Variants in NETO1 observed in about 807,000 individuals in gnomAD.
The protein encoded by NETO1 is neuropilin and tolloid-like protein 1.
NETO1 carries 26 observed loss-of-function variants against 61.3 expected under a neutral mutation model. The observed-to-expected ratio is 0.42, with a 90% confidence interval of 0.31 to 0.59. The LOEUF (loss-of-function observed/expected upper bound fraction) is 0.59, where lower values mean the gene tolerates loss of function less well. Among genes scored for constraint, NETO1 ranks in the 20% least tolerant of loss-of-function variants. NETO1 has a pLI of 0.12. For synonymous variants in NETO1, 225 were observed against 225.8 expected (o/e 1.00, Z 0.03); for missense variants, 531 against 662.8 (o/e 0.80, Z 2.18).
chr18:72,757,102 C>T (rs563485781), intron 7 of NETO1, among the ~76,000 whole-genome samples: 14 of 151,938 alleles, frequency 9.2e-5, no homozygotes, highest in Non-Finnish European at 2.1e-4. Context: ...TTCTTTTTTT[C>T]AATAAAGGCT....
At chr18:72,780,217 G>A (rs915250021) in intron 7 of NETO1, among the ~76,000 whole-genome samples, 2 of 152,114 alleles carry the variant, frequency 1.3e-5, no homozygotes, top group South Asian at 2.1e-4. Flanking sequence ...CACAGAGAAC[G>A]CTGTTGTAAA....
At chr18:72,796,987 T>C (rs1023040981) in intron 4 of NETO1, among the ~76,000 whole-genome samples, 2 of 152,158 alleles carry the variant, frequency 1.3e-5, no homozygotes, top group African/African-American at 4.8e-5. Context: ...ACTGCTAAAA[T>C]TGGTTGTTCT....
At chr18:72,824,356 C>A (rs1174105094) in intron 4 of NETO1, among the ~76,000 whole-genome samples, 1 of 152,158 alleles carries the variant, frequency 6.6e-6, no homozygotes, top group East Asian at 1.9e-4. Flanking sequence ...TCTTTTAATA[C>A]ATTTGTGAGC....
intron 7 of NETO1, among the ~76,000 whole-genome samples, chr18:72,769,126 G>C (rs113641564): frequency 2.6e-5 from 4 of 152,254 alleles, no homozygotes; most frequent in Non-Finnish European, 5.9e-5. Flanking sequence ...CTGACAACTC[G>C]TGTCATAATT....
intron 4 of NETO1, among the ~76,000 whole-genome samples, chr18:72,822,294 G>A (rs1445375495): frequency 6.6e-6 from 1 of 152,192 alleles, no homozygotes; most frequent in Non-Finnish European, 1.5e-5. Flanking sequence ...CAACAAGGTG[G>A]GCAGGTGGAC....
At chr18:72,818,563 C>A (rs1168274497) in intron 4 of NETO1, among the ~76,000 whole-genome samples, 2 of 152,114 alleles carry the variant, frequency 1.3e-5, no homozygotes, top group African/African-American at 2.4e-5. Flanking sequence ...TTCACTTTAC[C>A]ATTTTCACGA....
At chr18:72,751,077 A>ACACACAC (rs60112090) in intron 8 of NETO1, among the ~76,000 whole-genome samples, 2 of 150,588 alleles carry the variant, frequency 1.3e-5, no homozygotes, top group African/African-American at 2.5e-5. Context: ...ACACACACAC[A>ACACACAC]ATCTATCTAT....
chr18:72,802,444 C>T (rs529889177), intron 4 of NETO1, among the ~76,000 whole-genome samples: 64 of 152,272 alleles, frequency 4.2e-4, no homozygotes, highest in African/African-American at 1.2e-3. Context: ...AGAGTTAATG[C>T]CATGTCTGGA....
At chr18:72,836,940 GAAA>G (rs1381064964) in intron 4 of NETO1, among the ~76,000 whole-genome samples, 1 of 152,142 alleles carries the variant, frequency 6.6e-6, no homozygotes, top group Non-Finnish European at 1.5e-5. Flanking sequence ...TAGGAATGGA[GAAA>G]AGGAAAAGCA....
At chr18:72,755,089 T>C (rs1014526360) in intron 8 of NETO1, among the ~76,000 whole-genome samples, 3 of 152,218 alleles carry the variant, frequency 2.0e-5, no homozygotes, top group Non-Finnish European at 2.9e-5. Context: ...ATTTGTTGCA[T>C]GTCAAATATT....
intron 4 of NETO1, among the ~76,000 whole-genome samples, chr18:72,808,419 T>C (rs368370488): frequency 7.1e-6 from 1 of 141,834 alleles, no homozygotes; most frequent in African/African-American, 2.6e-5. Flanking sequence ...CACTGCAGAT[T>C]TGTGTGTGTG....
intron 4 of NETO1, among the ~76,000 whole-genome samples, chr18:72,806,069 G>T (rs1028983948): frequency 3.3e-5 from 5 of 151,930 alleles, no homozygotes; most frequent in African/African-American, 1.2e-4. Flanking sequence ...TAGGCTTCGT[G>T]GGGGGTGGGT....
At chr18:72,777,467 C>T (rs1180100518) in intron 7 of NETO1, among the ~76,000 whole-genome samples, 3 of 149,712 alleles carry the variant, frequency 2.0e-5, no homozygotes, top group African/African-American at 7.4e-5. Flanking sequence ...AAAGGCCGGG[C>T]GCGGTGGCTC....
intron 3 of NETO1, 81 bp downstream of exon 3, chr18:72,864,727 A>G: frequency 6.4e-7 from 1 of 1,558,526 alleles, no homozygotes. Flanking sequence ...TAATGCCTAT[A>G]CGCATATTCT....
chr18:72,772,821 C>A (rs1171433607), intron 7 of NETO1, among the ~76,000 whole-genome samples: 6 of 50,696 alleles, frequency 1.2e-4, no homozygotes, highest in Admixed American at 2.0e-4. Context: ...CTCTCTCTCT[C>A]TCTCTATATA....
At chr18:72,807,678 G>A (rs1442433508) in intron 4 of NETO1, among the ~76,000 whole-genome samples, 1 of 150,752 alleles carries the variant, frequency 6.6e-6, no homozygotes, top group African/African-American at 2.4e-5. Flanking sequence ...ATCATCAGAC[G>A]ATCAAAAATG....
chr18:72,779,200 A>G (rs1008345609), intron 7 of NETO1, among the ~76,000 whole-genome samples: 1 of 152,052 alleles, frequency 6.6e-6, no homozygotes, highest in Admixed American at 6.6e-5. Flanking sequence ...AGTAAATGTT[A>G]GATAATACAT....
At chr18:72,797,213 T>TA (rs2072347032) in intron 4 of NETO1, among the ~76,000 whole-genome samples, 1 of 152,218 alleles carries the variant, frequency 6.6e-6, no homozygotes, top group African/African-American at 2.4e-5. Flanking sequence ...TTGTGGAATA[T>TA]AGTTGATACT....
intron 7 of NETO1, among the ~76,000 whole-genome samples, chr18:72,770,808 C>T (rs1166309345): frequency 6.6e-6 from 1 of 152,088 alleles, no homozygotes; most frequent in Admixed American, 6.6e-5. Flanking sequence ...TTTGGCCTTG[C>T]TTATTCTAGA....
Sources: allele counts gnomAD v4.1 joint callset (sites outside exome capture counted in the v4.1 genomes callset), GRCh38; gene constraint gnomAD v4.1.1; transcripts MANE v1.5; gene names NCBI Gene and HGNC (gene_info 2026-07-23, HGNC 2026-07-21).